The following PCDHGB1 variants were observed in gnomAD, a reference collection of about 807,000 sequenced individuals.
PCDHGB1 encodes the protein protocadherin gamma subfamily B, 1, also known as protocadherin gamma-B1.
In PCDHGB1, 34 loss-of-function variants were observed where a neutral mutation model predicts 56.6. The observed-to-expected ratio is 0.60, with a 90% confidence interval of 0.46 to 0.80. The LOEUF is 0.80. PCDHGB1 is among the 30% of genes least tolerant of loss of function. The probability of loss-of-function intolerance (pLI) is 0.00; values close to 1 mark genes in which losing one functional copy is unlikely to be tolerated. For synonymous variants in PCDHGB1, 561 were observed against 505.9 expected (o/e 1.11, Z -1.46); for missense variants, 1,278 against 1,204.6 (o/e 1.06, Z -0.90).
At chr5:141,376,331 C>T (rs757952080) in intron 1 of PCDHGB1, 2 of 1,614,078 alleles carry the variant, frequency 1.2e-6, no homozygotes, top group East Asian at 2.2e-5. Context: ...TCGGGCTTTC[C>T]TGCAGACCTA....
At chr5:141,369,035 T>C (rs1765998324) in intron 1 of PCDHGB1, among the ~76,000 whole-genome samples, 1 of 152,204 alleles carries the variant, frequency 6.6e-6, no homozygotes. Context: ...TGCCTAGTTT[T>C]AGAGTAACAA....
At chr5:141,433,099 C>T (rs1003269683) in intron 1 of PCDHGB1, 1 of 1,614,190 alleles carries the variant, frequency 6.2e-7, no homozygotes, top group Non-Finnish European at 8.5e-7. Context: ...ACATGCTCGT[C>T]AGCCAGGAGA....
chr5:141,461,355 G>A (rs993200082), intron 1 of PCDHGB1, among the ~76,000 whole-genome samples: 3 of 152,022 alleles, frequency 2.0e-5, no homozygotes, highest in Non-Finnish European at 2.9e-5. Flanking sequence ...GTGGTAGCTC[G>A]TTGTGGTTTT....
chr5:141,473,274 TA>T (rs2099318463), intron 1 of PCDHGB1, among the ~76,000 whole-genome samples: 1 of 152,210 alleles, frequency 6.6e-6, no homozygotes, highest in South Asian at 2.1e-4. Context: ...ATGCTATGAT[TA>T]TTTTACTATG....
rs745716373 is a variant in PCDHGB1, at chr5:141,383,166, G to A, written c.2409+30497G>A. 10 of 1,614,130 alleles carry A rather than the reference G, an allele frequency of 6.2e-6. No individual in the cohort carries two copies. In the Admixed American group the frequency reaches 1.3e-4, roughly 22 times the overall value. On this transcript the variant is annotated intron_variant, in intron 1 of 3. Coordinates refer to ENST00000523390, the MANE Select transcript of PCDHGB1 (RefSeq NM_018922.3). ...GCGGCAGCTTGGTCACTGCGGGCAG[G>A]ATAGACCGGGAAGAGATCTGCGCTC...
At chr5:141,364,618 C>T (rs373148081) in intron 1 of PCDHGB1, 2 of 1,614,140 alleles carry the variant, frequency 1.2e-6, no homozygotes, top group African/African-American at 2.7e-5. Flanking sequence ...AGGAGCTCTG[C>T]GCTCAGAGCC....
At chr5:141,400,102 G>C (rs376189143) in intron 1 of PCDHGB1, 35 of 1,614,084 alleles carry the variant, frequency 2.2e-5, no homozygotes, top group Non-Finnish European at 3.0e-5. Context: ...GCTGCACTTG[G>C]TCTTTGCTGA....
At chr5:141,499,828 A>G (rs921957227) in intron 2 of PCDHGB1, among the ~76,000 whole-genome samples, 1 of 151,834 alleles carries the variant, frequency 6.6e-6, no homozygotes, top group Non-Finnish European at 1.5e-5. Context: ...CTAGGATTAC[A>G]GGTGTGCACC....
At chr5:141,383,115 G>A (rs1588935536) in intron 1 of PCDHGB1, 4 of 1,614,078 alleles carry the variant, frequency 2.5e-6, no homozygotes, top group Non-Finnish European at 2.5e-6. Context: ...GAGGTAGGAC[G>A]CAGCTTTTCG....
Position 141,490,318 on chromosome 5 carries a change from C to T in PCDHGB1, c.2410-4489C>T. ...ATTGGCCTCTTTGGCCAACCCTGTCCTAGAGAGCACACCAGTGGGCACAGT... is the reference window on the plus strand; with the variant it reads ...ATTGGCCTCTTTGGCCAACCCTGTCTTAGAGAGCACACCAGTGGGCACAGT... On this transcript the variant is annotated intron_variant, in intron 1 of 3. Transcript: ENST00000523390. The surrounding 1 kb of genome is among the most constrained non-coding windows in gnomAD (Gnocchi z 5.4). 1 of 1,614,220 alleles carries T rather than the reference C, an allele frequency of 6.2e-7. No homozygotes were observed.
At chr5:141,361,947 G>T in intron 1 of PCDHGB1, 1 of 1,604,064 alleles carries the variant, frequency 6.2e-7, no homozygotes, top group South Asian at 1.1e-5. Flanking sequence ...ACGCTTGGCT[G>T]TCCTACCACG....
intron 1 of PCDHGB1, chr5:141,395,626 G>A (rs57582939): frequency 0.038 from 6,997 of 184,208 alleles, 191 homozygotes; most frequent in African/African-American, 0.067. Context: ...TTATCAAGAA[G>A]TCTAAAGCCT....
rs548002755 is a variant in PCDHGB1, at chr5:141,409,062, G to A, written c.2409+56393G>A. On this transcript the variant is annotated intron_variant, in intron 1 of 3. Coordinates refer to ENST00000523390, the MANE Select transcript of PCDHGB1 (RefSeq NM_018922.3). ...TACTACTTCCGAAGCACTGCCCAGAGCACAAAACATATGTTCTCATTGGAT... is the reference window on the plus strand; with the variant it reads ...TACTACTTCCGAAGCACTGCCCAGAACACAAAACATATGTTCTCATTGGAT... The A allele has an allele frequency of 3.1e-6, 5 of 1,614,000 alleles. No homozygotes were observed. The South Asian group carries it at 4.4e-5, about 14-fold the overall frequency.
chr5:141,438,319 T>C (rs934592523), intron 1 of PCDHGB1, among the ~76,000 whole-genome samples: 1 of 151,982 alleles, frequency 6.6e-6, no homozygotes, highest in African/African-American at 2.4e-5. Flanking sequence ...CACCATAATT[T>C]TTCTTATACA....
At position 141,351,467 on chromosome 5, in the gene PCDHGB1, G is replaced by T. The variant is rs774231320; in HGVS notation, c.1207G>T (p.Ala403Ser). ...TSKNYYKLVI[A>S]GALNREQTAD... ...GAAGAATTATTACAAGCTGGTGATT[G>T]CTGGAGCCCTAAACCGGGAGCAGAC... Residue 403 changes from alanine to serine, a missense_variant, in exon 1 of 4, where the codon GCT becomes TCT. Physicochemically the swap from Ala to Ser is moderately conservative, Grantham distance 99. Coordinates refer to ENST00000523390, the MANE Select transcript of PCDHGB1 (RefSeq NM_018922.3). The T allele has an allele frequency of 6.2e-6, 10 of 1,613,546 alleles. No homozygotes were observed. The East Asian group carries it at 1.8e-4, about 29-fold the overall frequency.
intron 1 of PCDHGB1, chr5:141,478,227 G>A: frequency 6.2e-7 from 1 of 1,614,104 alleles, no homozygotes; most frequent in Non-Finnish European, 8.5e-7. Context: ...GTTTCTGTGG[G>A]GTTTGTGGTC....
intron 1 of PCDHGB1, chr5:141,413,119 G>C: frequency 6.6e-7 from 1 of 1,522,222 alleles, no homozygotes; most frequent in Non-Finnish European, 8.8e-7. Flanking sequence ...AAAGGAACCG[G>C]TTGAAACACA....
rs112731052 is a variant in PCDHGB1 at position 141,457,109 on chromosome 5, A to G, written c.2410-37698A>G. ...TATAAGGATACTAATTAAGCAAAAT[A>G]CGACAGCAATGGAAACTCTGTCCAA... is the stretch of plus-strand genomic sequence containing the variant. On this transcript the variant is annotated intron_variant, in intron 1 of 3. Coordinates refer to ENST00000523390, the MANE Select transcript of PCDHGB1 (RefSeq NM_018922.3). 8.3e-3 allele frequency among the ~76,000 whole-genome samples: 1,258 copies of G among 152,360 alleles called. 17 individuals are homozygous for G. Among genetic ancestry groups the G allele is most frequent in the African/African-American group, 0.029 (1,195 of 41,578 alleles).
At chr5:141,504,594 C>T (rs2099839378) in intron 2 of PCDHGB1, among the ~76,000 whole-genome samples, 2 of 140,288 alleles carry the variant, frequency 1.4e-5, no homozygotes, top group South Asian at 4.4e-4. Context: ...GGATTCACAG[C>T]AAGAGGGAAC....
Sources: gnomAD v4.1 joint callset for allele counts (sites outside exome capture counted in the v4.1 genomes callset) on GRCh38, gnomAD v4.1.1 for gene constraint, Gnocchi (gnomAD v3.1) non-coding constraint, MANE v1.5 for transcripts, NCBI Gene and HGNC (gene_info 2026-07-23, HGNC 2026-07-21) for gene names.